The following IL31RA variants were observed in gnomAD, a reference collection of about 807,000 sequenced individuals.
The protein encoded by IL31RA is interleukin 31 receptor A.
A neutral mutation model predicts 83.7 loss-of-function variants in IL31RA; 66 were observed. The observed-to-expected ratio is 0.79, with a 90% CI of 0.65 to 0.97. The LOEUF (loss-of-function observed/expected upper bound fraction) is 0.97. IL31RA is among the 50% of genes least tolerant of loss of function. The pLI is 0.00. For missense variants in IL31RA, 798 were observed against 919.4 expected (o/e 0.87, Z 1.71); for synonymous variants, 325 against 329.0 (o/e 0.99, Z 0.13).
In IL31RA at chr5:55,891,932, C is replaced by T. The variant is rs552133276; in HGVS notation, c.772+1797C>T. On this transcript the variant is annotated intron_variant, in intron 6 of 14. Coordinates refer to ENST00000652347, the MANE Select transcript of IL31RA (RefSeq NM_139017.7). ...CTGGGACTACAGGTGCCCACCACCACGCCTGGCTAATTTTTTGTATTTTTA... is the reference window on the plus strand; with the variant it reads ...CTGGGACTACAGGTGCCCACCACCATGCCTGGCTAATTTTTTGTATTTTTA... Among the ~76,000 whole-genome samples the T allele has an allele frequency of 1.4e-3, 211 of 151,832 alleles. 1 individual carries two copies. In the Middle Eastern group the frequency reaches 0.017, roughly 12 times the overall value.
intron 5 of IL31RA, among the ~76,000 whole-genome samples, chr5:55,886,436 G>C (rs1747624765): frequency 6.6e-6 from 1 of 151,780 alleles, no homozygotes; most frequent in Non-Finnish European, 1.5e-5. Context: ...ACCACACCTG[G>C]CTAATTTTTT....
intron 6 of IL31RA, among the ~76,000 whole-genome samples, chr5:55,894,902 A>G (rs1421358341): frequency 6.6e-6 from 1 of 152,146 alleles, no homozygotes; most frequent in Non-Finnish European, 1.5e-5. Flanking sequence ...ATGTTTTGGT[A>G]GAGACAGGGT....
intron 5 of IL31RA, among the ~76,000 whole-genome samples, chr5:55,888,410 G>A (rs1048191019): frequency 5.9e-5 from 9 of 152,130 alleles, no homozygotes; most frequent in Non-Finnish European, 1.3e-4. Flanking sequence ...AGGCTTCCGT[G>A]GCTACATTAG....
chr5:55,860,342 C>T (rs1745602773), intron 2 of IL31RA, among the ~76,000 whole-genome samples: 1 of 148,576 alleles, frequency 6.7e-6, no homozygotes, highest in Admixed American at 6.8e-5. Context: ...GCACTCCAGC[C>T]TGGGCCAGAG....
In IL31RA at chr5:55,922,353, T is replaced by C. The variant is rs759137216; in HGVS notation, c.*5233T>C. On this transcript the variant is annotated 3_prime_UTR_variant, in exon 15 of 15. Coordinates refer to ENST00000652347, the MANE Select transcript of IL31RA (RefSeq NM_139017.7). ...GCTGTCAGCAATGCTCTCGTGGCTG[T>C]TCAAGGGAAGTGAGATACTTGTACT... The C allele has an allele frequency of 1.7e-5, 26 of 1,531,170 alleles. No homozygotes were observed. The highest frequency in any genetic ancestry group is 2.2e-5 in the Non-Finnish European group (25 of 1,129,210). 94.8% of individuals were successfully genotyped at this position (1,531,170 alleles called of 1,614,324 possible). A position where few individuals can be genotyped will look rare whatever the true frequency, so the allele number is the denominator to read the frequency against.
chr5:55,840,178 A>G, the IL31RA span, among the ~76,000 whole-genome samples: 1 of 152,188 alleles, frequency 6.6e-6, no homozygotes, highest in African/African-American at 2.4e-5. Context: ...TGGAAATACT[A>G]CATAATGGAG....
chr5:55,867,258 T>C (rs937577933), intron 2 of IL31RA, among the ~76,000 whole-genome samples: 3 of 25,618 alleles, frequency 1.2e-4, no homozygotes, highest in African/African-American at 4.1e-4. Context: ...TGTGTGCGTG[T>C]GTTTGTGTGC....
intron 11 of IL31RA, 160 bp downstream of exon 11, chr5:55,908,571 C>T (rs1431294850): frequency 7.7e-6 from 12 of 1,557,378 alleles, no homozygotes; most frequent in Admixed American, 1.9e-5. Flanking sequence ...GCCAAGAGCA[C>T]CCACCTTTTG....
intron 1 of IL31RA, chr5:55,853,495 G>C: frequency 4.5e-6 from 7 of 1,550,584 alleles, no homozygotes; most frequent in Non-Finnish European, 6.1e-6. Context: ...TGTGCTGTGG[G>C]AGGTGGAGTT....
At chr5:55,895,086 A>G (rs1323056495) in intron 6 of IL31RA, among the ~76,000 whole-genome samples, 4 of 152,222 alleles carry the variant, frequency 2.6e-5, no homozygotes, top group Non-Finnish European at 5.9e-5. Context: ...TCTTACTTCT[A>G]AAAAATAGTT....
chr5:55,917,190 C>A lies in IL31RA; in HGVS notation c.*70C>A. ...CCTTGCCAGAGAAGATGTCAAGACT[C>A]GGCACGCAGCGCTTGCTTGGCCCTG... On this transcript the variant is annotated 3_prime_UTR_variant, in exon 15 of 15. Coordinates refer to ENST00000652347, the MANE Select transcript of IL31RA (RefSeq NM_139017.7). 6.2e-7 allele frequency: 1 copy of A among 1,609,264 alleles called. No homozygotes were observed. The highest frequency in any genetic ancestry group is 1.1e-5 in the South Asian group (1 of 90,618).
rs1255220069 is a variant in IL31RA at position 55,919,998 on chromosome 5, C to T, written c.*2878C>T. 1.3e-5 allele frequency among the ~76,000 whole-genome samples: 2 copies of T among 152,220 alleles called. No homozygotes were observed. The highest frequency in any genetic ancestry group is 2.4e-5 in the African/African-American group (1 of 41,462). ...ACCAGTTTTCTGAGACCCTGGGATC[C>T]ATGCAGACAGCTAGGTTAGTGGCCT... On this transcript the variant is annotated 3_prime_UTR_variant, in exon 15 of 15. Transcript: ENST00000652347.
intron 6 of IL31RA, among the ~76,000 whole-genome samples, chr5:55,895,846 A>G (rs1164199522): frequency 3.3e-5 from 5 of 152,200 alleles, no homozygotes; most frequent in Admixed American, 2.0e-4. Flanking sequence ...TTAGAGCTCA[A>G]GGAGGGACCT....
chr5:55,878,801 A>T (rs187570193), intron 4 of IL31RA, among the ~76,000 whole-genome samples: 1 of 152,090 alleles, frequency 6.6e-6, no homozygotes, highest in Admixed American at 6.5e-5. Context: ...CTACAGGCAC[A>T]CACCACACCT....
Position 55,914,884 on chromosome 5 carries a change from C to G in IL31RA, c.1774C>G (p.Pro592Ala). ...TCTGTGTTGGCCCACCGTTCCCAAC[C>G]CTGCTGAAAGTAGTATAGCCACATG... ...THLCWPTVPN[P>A]AESSIATWHG... Residue 592 changes from proline to alanine, a missense_variant, in exon 14 of 15, where the codon CCT becomes GCT. Physicochemically the swap from Pro to Ala is conservative, Grantham distance 27. Coordinates refer to ENST00000652347, the MANE Select transcript of IL31RA (RefSeq NM_139017.7). 1 of 1,613,730 alleles carries G rather than the reference C, an allele frequency of 6.2e-7. No individual in the cohort carries two copies. Among genetic ancestry groups the G allele is most frequent in the Non-Finnish European group, 8.5e-7 (1 of 1,179,620 alleles).
At chr5:55,843,433 A>G in the IL31RA span, among the ~76,000 whole-genome samples, 1 of 152,196 alleles carries the variant, frequency 6.6e-6, no homozygotes, top group African/African-American at 2.4e-5. Flanking sequence ...CAGATCTTAC[A>G]TATTGCCAGT....
At chr5:55,907,309 C>A in intron 9 of IL31RA, 50 bp from the exon 10 acceptor site, 1 of 1,074,656 alleles carries the variant, frequency 9.3e-7, no homozygotes, top group Non-Finnish European at 1.4e-6. Context: ...AGTATTCCCC[C>A]CACTCTGCCG....
At chr5:55,888,564 G>A (rs1747784969) in intron 5 of IL31RA, among the ~76,000 whole-genome samples, 1 of 152,094 alleles carries the variant, frequency 6.6e-6, no homozygotes, top group Admixed American at 6.5e-5. Flanking sequence ...GTAAAATAGA[G>A]GTTTATTAGA....
intron 4 of IL31RA, 85 bp downstream of exon 4, chr5:55,872,536 T>G: frequency 1.0e-6 from 1 of 955,592 alleles, no homozygotes; most frequent in Non-Finnish European, 1.6e-6. Context: ...GACTCAAAAG[T>G]AGGCTCATCA....
Sources: allele counts gnomAD v4.1 joint callset (sites outside exome capture counted in the v4.1 genomes callset), GRCh38; gene constraint gnomAD v4.1.1; transcripts MANE v1.5; gene names NCBI Gene and HGNC (gene_info 2026-07-23, HGNC 2026-07-21).